The following COBLL1 variants were observed in gnomAD, a reference collection of about 807,000 sequenced individuals.
COBLL1 encodes cordon-bleu protein-like 1.
In COBLL1, 50 loss-of-function variants were observed where a neutral mutation model predicts 94.8. That is an observed-to-expected ratio of 0.53 (90% confidence interval 0.42 to 0.67). The LOEUF (loss-of-function observed/expected upper bound fraction) is 0.67, where lower values mean the gene tolerates loss of function less well. Ranked by LOEUF, COBLL1 falls within the 30% of genes least tolerant of loss-of-function variation. The pLI is 0.00. For synonymous variants in COBLL1, 448 were observed against 473.8 expected (o/e 0.95, Z 0.71); for missense variants, 1,362 against 1,348.7 (o/e 1.01, Z -0.15).
In COBLL1 at chr2:164,704,955, T is replaced by C; in HGVS notation, c.1147A>G (p.Thr383Ala). The C allele has an allele frequency of 6.3e-7, 1 of 1,576,018 alleles. No individual in the cohort carries two copies. The change falls in exon 8 of 14, where the codon ACT (threonine) becomes GCT (alanine). Residue 383 changes from threonine (T) to alanine (A), a missense_variant. Transcript: ENST00000652658. The stretch of plus-strand genomic sequence containing the variant: ...GTTAATGAAACAACCACATTACCAG[T>C]CACACGACTATTTTCATCACTTTGA... The part of the protein sequence containing the change: ...PHQSDENSRV[T>A]ALQPVDGVPP...
chr2:164,735,942 C>T (rs1308423882), intron 3 of COBLL1, among the ~76,000 whole-genome samples: 2 of 152,218 alleles, frequency 1.3e-5, no homozygotes, highest in African/African-American at 4.8e-5. Context: ...TATATTATTA[C>T]ACCACATTGA....
At chr2:164,724,130 C>T (rs1002229374) in intron 5 of COBLL1, 3 of 152,136 alleles carry the variant, frequency 2.0e-5, no homozygotes, top group African/African-American at 7.2e-5. Context: ...ACTTATGTAG[C>T]AGTCATATAG....
chr2:164,819,850 G>C (rs1685072828), intron 2 of COBLL1, among the ~76,000 whole-genome samples: 1 of 151,470 alleles, frequency 6.6e-6, no homozygotes, highest in East Asian at 1.9e-4. Flanking sequence ...TTTTGAGACA[G>C]AGTCTCACTC....
At chr2:164,670,066 C>A (rs999421329) in intron 1 of COBLL1, among the ~76,000 whole-genome samples, 1 of 152,158 alleles carries the variant, frequency 6.6e-6, no homozygotes, top group African/African-American at 2.4e-5. Context: ...ATAACAGCAG[C>A]TGACATGATT....
In COBLL1 at chr2:164,729,906, A is replaced by C. The variant is rs1216898226; in HGVS notation, c.432+8T>G. The C allele has an allele frequency of 1.2e-6, 2 of 1,603,868 alleles. No homozygotes were observed. Among genetic ancestry groups the C allele is most frequent in the Non-Finnish European group, 1.7e-6 (2 of 1,171,898 alleles). ...ATAAGACATCAAAATATATAATGGAATTCTTACCTCTGGTATTATAGGTGT... is the reference window on the plus strand; with the variant it reads ...ATAAGACATCAAAATATATAATGGACTTCTTACCTCTGGTATTATAGGTGT... On this transcript the variant is annotated splice_region_variant and intron_variant, in intron 4 of 13. Transcript: ENST00000652658.
chr2:164,773,914 T>G (rs1432116520), intron 2 of COBLL1: 1 of 171,428 alleles, frequency 5.8e-6, no homozygotes, highest in Non-Finnish European at 1.2e-5. Flanking sequence ...ATGTTAACAT[T>G]TTCACAGGCT....
intron 2 of COBLL1, among the ~76,000 whole-genome samples, chr2:164,753,594 T>C (rs899222531): frequency 1.3e-5 from 2 of 149,458 alleles, no homozygotes; most frequent in African/African-American, 5.0e-5. Context: ...GGCGGCCATG[T>C]AGCTACTGAG....
intron 2 of COBLL1, among the ~76,000 whole-genome samples, chr2:164,754,093 T>C (rs939433129): frequency 6.6e-6 from 1 of 152,116 alleles, no homozygotes. Context: ...GTATTTCCAA[T>C]GAAAATATAA....
intron 2 of COBLL1, among the ~76,000 whole-genome samples, chr2:164,825,910 C>T (rs541696855): frequency 6.6e-5 from 10 of 152,092 alleles, no homozygotes; most frequent in Non-Finnish European, 8.8e-5. Context: ...AGTATAATAC[C>T]TCAATTTCTT....
intron 2 of COBLL1, among the ~76,000 whole-genome samples, chr2:164,794,433 A>C (rs1029450404): frequency 1.3e-5 from 2 of 152,166 alleles, no homozygotes; most frequent in Non-Finnish European, 2.9e-5. Context: ...TACAGATAAA[A>C]GTTCATTTCA....
intron 2 of COBLL1, among the ~76,000 whole-genome samples, chr2:164,818,812 G>A (rs1685018737): frequency 1.4e-5 from 2 of 145,376 alleles, no homozygotes; most frequent in African/African-American, 5.4e-5. Flanking sequence ...ATCTTGCTCT[G>A]TCACTCGGTG....
intron 10 of COBLL1, 61 bp from the exon 11 acceptor site, chr2:164,699,560 CACACAG>C: frequency 1.2e-6 from 1 of 858,048 alleles, no homozygotes; most frequent in South Asian, 1.4e-5. Context: ...CATACACACA[CACACAG>C]ACACACACAC....
chr2:164,700,713 CTTTTCATCTATCT>C lies in COBLL1; in HGVS notation c.1256_1268del (p.Glu419GlyfsTer4), dbSNP rs775439556. 6.2e-7 allele frequency: 1 copy of C among 1,612,800 alleles called. No individual in the cohort carries two copies. The highest frequency in any genetic ancestry group is 8.5e-7 in the Non-Finnish European group (1 of 1,178,956). ...CTTTAGGCACTTCACTCAGTTCTTCCTTTTCATCTATCTCTTCAAGGCTATAATCAGAGCTTAT... is the reference window on the plus strand; with the variant it reads ...CTTTAGGCACTTCACTCAGTTCTTCCCTTCAAGGCTATAATCAGAGCTTAT... On this transcript the variant is annotated frameshift_variant, in exon 10 of 14. Transcript: ENST00000652658. LOFTEE classifies it high-confidence loss of function.
At chr2:164,811,960 T>C (rs1191800069) in intron 2 of COBLL1, among the ~76,000 whole-genome samples, 2 of 152,106 alleles carry the variant, frequency 1.3e-5, no homozygotes, top group East Asian at 3.9e-4. Flanking sequence ...TTTCCTTTCA[T>C]TCAAAAACTA....
intron 2 of COBLL1, among the ~76,000 whole-genome samples, chr2:164,829,076 C>A (rs987057483): frequency 6.6e-6 from 1 of 152,040 alleles, no homozygotes; most frequent in Non-Finnish European, 1.5e-5. Context: ...AGAAAAATAA[C>A]GAATAAATAA....
At chr2:164,794,707 C>T (rs546191246) in intron 2 of COBLL1, among the ~76,000 whole-genome samples, 40 of 152,006 alleles carry the variant, frequency 2.6e-4, no homozygotes, top group African/African-American at 7.0e-4. Context: ...TCAGTACATA[C>T]GCAGCATAAG....
At chr2:164,659,776 C>T (rs1691040723) in intron 2 of COBLL1, among the ~76,000 whole-genome samples, 1 of 152,054 alleles carries the variant, frequency 6.6e-6, no homozygotes, top group African/African-American at 2.4e-5. Flanking sequence ...AATATTTATT[C>T]TGGATTTTTT....
chr2:164,837,427 C>A, intron 2 of COBLL1: 1 of 461,038 alleles, frequency 2.2e-6, no homozygotes, highest in South Asian at 1.6e-5. Flanking sequence ...AAGGAAATTA[C>A]TTTTGACTAT....
intron 2 of COBLL1, among the ~76,000 whole-genome samples, chr2:164,749,038 C>T (rs2105579026): frequency 6.6e-6 from 1 of 152,104 alleles, no homozygotes; most frequent in South Asian, 2.1e-4. Context: ...CAGGGCACTC[C>T]AAAATCATGT....
Sources: allele counts gnomAD v4.1 joint callset (sites outside exome capture counted in the v4.1 genomes callset), GRCh38; gene constraint gnomAD v4.1.1; transcripts MANE v1.5; gene names NCBI Gene and HGNC (gene_info 2026-07-23, HGNC 2026-07-21).